SMIM35: variants seen among roughly 807,000 people sequenced by gnomAD.
SMIM35 encodes small integral membrane protein 35.
chr11:118,036,986 A>G lies in SMIM35; in HGVS notation c.8-21177T>C, dbSNP rs2058364136. Among the ~76,000 whole-genome samples the G allele has an allele frequency of 9.2e-5, 14 of 152,002 alleles. 1 individual carries two copies. The South Asian group carries it at 2.9e-3, about 32-fold the overall frequency. On this transcript the variant is annotated intron_variant, in intron 1 of 4. Transcript: ENST00000689828. ...ATTAGCATTTTAGTGAGCTCTCCTT[A>G]CTGGTTGGGTGTGAGCTAAGTTGCA...
At chr11:118,082,468 T>C (rs532717414) in intron 1 of SMIM35, among the ~76,000 whole-genome samples, 1 of 151,812 alleles carries the variant, frequency 6.6e-6, no homozygotes, top group East Asian at 1.9e-4. Context: ...AGCTGAGGCA[T>C]GAGAATCGCT....
In SMIM35 at chr11:118,003,693, A is replaced by G. The variant is rs1246311762; in HGVS notation, c.*2717T>C. 6.6e-6 allele frequency: 1 copy of G among 152,204 alleles called. No homozygotes were observed. Among genetic ancestry groups the G allele is most frequent in the Non-Finnish European group, 1.5e-5 (1 of 68,046 alleles). The allele number at this position is 152,204 out of a possible 1,614,324, so 9.4% of individuals were successfully genotyped here. On this transcript the variant is annotated 3_prime_UTR_variant, in exon 5 of 5. Coordinates refer to ENST00000689828, the MANE Select transcript of SMIM35 (RefSeq NM_001394165.1). ...ATTTTGTCAAAAAACATTACGAAGC[A>G]CTTGTTATGTGTTGGACATGGTGTG...
chr11:118,036,369 TAA>T (rs2058359513), intron 1 of SMIM35, among the ~76,000 whole-genome samples: 1 of 152,390 alleles, frequency 6.6e-6, no homozygotes, highest in African/African-American at 2.4e-5. Flanking sequence ...AACTTTTAAT[TAA>T]GTTTTGTTTA....
At chr11:118,011,929 G>A (rs1253349872) in intron 4 of SMIM35, among the ~76,000 whole-genome samples, 2 of 152,158 alleles carry the variant, frequency 1.3e-5, no homozygotes, top group African/African-American at 2.4e-5. Flanking sequence ...CAGAGACTTG[G>A]TAATTAAGTC....
intron 1 of SMIM35, among the ~76,000 whole-genome samples, chr11:118,046,126 G>C (rs1944094009): frequency 6.6e-6 from 1 of 152,104 alleles, no homozygotes; most frequent in Non-Finnish European, 1.5e-5. Flanking sequence ...TTTATCAGTA[G>C]CCTTTGTCCT....
intron 1 of SMIM35, among the ~76,000 whole-genome samples, chr11:118,027,153 G>A (rs946275997): frequency 2.8e-5 from 4 of 141,792 alleles, no homozygotes; most frequent in Non-Finnish European, 6.0e-5. Context: ...TCAGCCTCCC[G>A]AGTAGCTGGG....
chr11:118,023,298 G>A (rs928002612), intron 1 of SMIM35, among the ~76,000 whole-genome samples: 1 of 151,984 alleles, frequency 6.6e-6, no homozygotes, highest in African/African-American at 2.4e-5. Context: ...GTGAAAAAGA[G>A]GGAGAGGGAG....
chr11:118,017,703 G>T (rs58551444), intron 1 of SMIM35, among the ~76,000 whole-genome samples: 1 of 152,038 alleles, frequency 6.6e-6, no homozygotes, highest in Non-Finnish European at 1.5e-5. Context: ...CCTGAGACTG[G>T]GTAATTTATA....
chr11:118,068,318 C>T (rs1455349031), intron 1 of SMIM35, among the ~76,000 whole-genome samples: 1 of 152,058 alleles, frequency 6.6e-6, no homozygotes, highest in African/African-American at 2.4e-5. Context: ...CCAAATGCTC[C>T]CTCCTCGGGG....
chr11:118,030,453 A>G (rs78065594), intron 1 of SMIM35, among the ~76,000 whole-genome samples: 3,269 of 152,274 alleles, frequency 0.021, 107 homozygotes, highest in African/African-American at 0.075. Flanking sequence ...TATTTTAACA[A>G]CCCAAGATGT....
intron 1 of SMIM35, among the ~76,000 whole-genome samples, chr11:118,048,409 A>C (rs1944137918): frequency 6.6e-6 from 1 of 152,098 alleles, no homozygotes; most frequent in African/African-American, 2.4e-5. Context: ...GCTACTCAGG[A>C]GGCTGAGACA....
intron 1 of SMIM35, among the ~76,000 whole-genome samples, chr11:118,054,856 T>C (rs1944286058): frequency 6.7e-6 from 1 of 150,082 alleles, no homozygotes; most frequent in Non-Finnish European, 1.5e-5. Context: ...CAGGCTGGAG[T>C]GCAGTGGCCC....
In SMIM35 at chr11:118,048,776, T is replaced by G. The variant is rs546548927; in HGVS notation, c.8-32967A>C. 2.7e-5 allele frequency among the ~76,000 whole-genome samples: 4 copies of G among 150,298 alleles called. No individual in the cohort carries two copies. The South Asian group carries it at 8.4e-4, about 32-fold the overall frequency. On this transcript the variant is annotated intron_variant, in intron 1 of 4. Coordinates refer to ENST00000689828, the MANE Select transcript of SMIM35 (RefSeq NM_001394165.1). Reference sequence around the variant, plus strand: ...GGCCCTAGATTAAACACATGAGTAATAGCCAAACAGCAGGCCATCCCGGAA... The same window carrying G: ...GGCCCTAGATTAAACACATGAGTAAGAGCCAAACAGCAGGCCATCCCGGAA...
At position 118,007,064 on chromosome 11, in the gene SMIM35, C is replaced by T. The variant is rs537857603; in HGVS notation, c.*34-688G>A. ...TAGTACATACACACACACACGCACA[C>T]GCACACACACACAGGGGTGTCTCCA... is the stretch of plus-strand genomic sequence containing the variant. On this transcript the variant is annotated intron_variant, in intron 4 of 4. Transcript: ENST00000689828. Among the ~76,000 whole-genome samples the T allele has an allele frequency of 1.2e-3, 182 of 152,262 alleles. 1 individual carries two copies. The highest frequency in any genetic ancestry group is 4.1e-3 in the African/African-American group (170 of 41,530).
intron 1 of SMIM35, among the ~76,000 whole-genome samples, chr11:118,066,966 G>A (rs1180185088): frequency 3.3e-5 from 5 of 151,844 alleles, no homozygotes; most frequent in African/African-American, 1.2e-4. Context: ...GGGAGCAAGA[G>A]CCTGGCCATT....
At chr11:118,032,132 A>T (rs1489604988) in intron 1 of SMIM35, among the ~76,000 whole-genome samples, 2 of 152,194 alleles carry the variant, frequency 1.3e-5, no homozygotes, top group African/African-American at 4.8e-5. Context: ...TCAAGAGAAG[A>T]TTGAGAAAAT....
At chr11:118,028,583 A>G (rs566285749) in intron 1 of SMIM35, among the ~76,000 whole-genome samples, 1 of 152,350 alleles carries the variant, frequency 6.6e-6, no homozygotes, top group South Asian at 2.1e-4. Context: ...AACTATGCTT[A>G]TTCGTATATA....
intron 4 of SMIM35, among the ~76,000 whole-genome samples, chr11:118,008,341 A>T (rs187032048): frequency 4.6e-5 from 7 of 152,308 alleles, no homozygotes; most frequent in African/African-American, 1.4e-4. Context: ...TTAGAAATAT[A>T]ATAATGATCC....
chr11:118,061,275 C>T (rs1372455224), intron 1 of SMIM35, among the ~76,000 whole-genome samples: 2 of 152,218 alleles, frequency 1.3e-5, no homozygotes, highest in Non-Finnish European at 2.9e-5. Context: ...CAGCTTCAAA[C>T]CCCAGTTCTG....
Sources: gnomAD v4.1 joint callset for allele counts (sites outside exome capture counted in the v4.1 genomes callset) on GRCh38, gnomAD v4.1.1 for gene constraint, MANE v1.5 for transcripts, NCBI Gene and HGNC (gene_info 2026-07-23, HGNC 2026-07-21) for gene names.